CNTN4: variants seen among roughly 807,000 people sequenced by gnomAD.
The protein encoded by CNTN4 is contactin 4.
CNTN4 carries 77 observed loss-of-function variants against 122.5 expected under a neutral mutation model. The observed-to-expected ratio is 0.63, with a 90% CI of 0.52 to 0.76. The LOEUF (loss-of-function observed/expected upper bound fraction) is 0.76. CNTN4 is among the 30% of genes least tolerant of loss of function. The pLI, the probability that CNTN4 is intolerant of heterozygous loss-of-function variation, is 0.00. For missense variants in CNTN4, 1,256 were observed against 1,259.1 expected (o/e 1.00, Z 0.04); for synonymous variants, 512 against 447.0 (o/e 1.15, Z -1.83).
intron 12 of CNTN4, among the ~76,000 whole-genome samples, chr3:2,917,902 G>C (rs922440715): frequency 5.5e-5 from 6 of 108,950 alleles, no homozygotes; most frequent in Non-Finnish European, 1.2e-4. Flanking sequence ...TCAGTCATGT[G>C]AGGCATTTTT....
chr3:2,769,464 C>CAAA (rs71058643), intron 6 of CNTN4, among the ~76,000 whole-genome samples: 23 of 136,996 alleles, frequency 1.7e-4, no homozygotes, highest in East Asian at 1.1e-3. Flanking sequence ...GACTCTGTCT[C>CAAA]AAAAAAAAAA....
At chr3:2,392,698 A>G (rs1049490128) in intron 3 of CNTN4, among the ~76,000 whole-genome samples, 1 of 152,204 alleles carries the variant, frequency 6.6e-6, no homozygotes, top group Non-Finnish European at 1.5e-5. Flanking sequence ...ATTATTAACT[A>G]TCGTCAGCAT....
intron 2 of CNTN4, chr3:2,144,109 G>A (rs1381657420): frequency 6.6e-6 from 1 of 152,228 alleles, no homozygotes; most frequent in East Asian, 1.9e-4. Flanking sequence ...AATAGAGGGT[G>A]TAGGAGGTAA....
chr3:2,623,063 CATATTTACTCTCACCTTA>C (rs1160330842), intron 4 of CNTN4, among the ~76,000 whole-genome samples: 8 of 152,178 alleles, frequency 5.3e-5, no homozygotes, highest in African/African-American at 1.9e-4. Flanking sequence ...GTTGTGGGGG[CATATTTACTCTCACCTTA>C]ATAAATGCTG....
intron 3 of CNTN4, among the ~76,000 whole-genome samples, chr3:2,526,345 T>G (rs2077397342): frequency 6.6e-6 from 1 of 152,198 alleles, no homozygotes; most frequent in African/African-American, 2.4e-5. Flanking sequence ...ACCTACATTT[T>G]ATGGCATATT....
chr3:2,587,590 A>G (rs545413554), intron 4 of CNTN4, among the ~76,000 whole-genome samples: 1 of 152,324 alleles, frequency 6.6e-6, no homozygotes, highest in African/African-American at 2.4e-5. Flanking sequence ...CTAACTAGAT[A>G]TAACCAGACT....
At chr3:2,290,558 A>C (rs1262700101) in intron 2 of CNTN4, among the ~76,000 whole-genome samples, 3 of 152,222 alleles carry the variant, frequency 2.0e-5, no homozygotes, top group Admixed American at 1.3e-4. Context: ...TAAGTGAAAA[A>C]ATGAGGGGTC....
chr3:2,719,181 C>T (rs930396414), intron 4 of CNTN4, among the ~76,000 whole-genome samples: 16 of 151,908 alleles, frequency 1.1e-4, no homozygotes, highest in Admixed American at 5.9e-4. Context: ...AAACACGGTA[C>T]GTACTCAGAA....
chr3:3,029,418 T>G (rs539776544), intron 15 of CNTN4, among the ~76,000 whole-genome samples: 25 of 152,232 alleles, frequency 1.6e-4, no homozygotes, highest in African/African-American at 6.0e-4. Context: ...CCAAGAGAGA[T>G]TAAGAGATTT....
rs578136522 is a variant in CNTN4, at chr3:2,894,294, C to G, written c.941-6391C>G. 3.9e-4 allele frequency among the ~76,000 whole-genome samples: 59 copies of G among 152,208 alleles called. No homozygotes were observed. In the East Asian group the frequency reaches 4.6e-3, roughly 12 times the overall value. Reference sequence around the variant, plus strand: ...GACTCTCTTAAGGAAACCTGGGGACCTACAATGGTTCTTAGATTGCACTTT... The same window carrying G: ...GACTCTCTTAAGGAAACCTGGGGACGTACAATGGTTCTTAGATTGCACTTT... On this transcript the variant is annotated intron_variant, in intron 10 of 24. Coordinates refer to ENST00000418658, the MANE Select transcript of CNTN4 (RefSeq NM_175607.3).
chr3:2,601,827 G>C (rs541771217), intron 4 of CNTN4, among the ~76,000 whole-genome samples: 1 of 152,012 alleles, frequency 6.6e-6, no homozygotes, highest in Admixed American at 6.6e-5. Flanking sequence ...GATGAACATT[G>C]ATGCAAAAAT....
intron 13 of CNTN4, among the ~76,000 whole-genome samples, chr3:2,932,542 C>T (rs2094530584): frequency 6.6e-6 from 1 of 152,132 alleles, no homozygotes; most frequent in Non-Finnish European, 1.5e-5. Flanking sequence ...CTACAGGTCA[C>T]CTCCATTCCT....
rs1307338487 is a variant in CNTN4, at chr3:2,110,314, T to C, written c.-145+9675T>C. ...AGATAGGCTGTGAACATTAATGGTA[T>C]GCATTGAAGACTTTAGGACAGTGTG... is the stretch of plus-strand genomic sequence containing the variant. On this transcript the variant is annotated intron_variant, in intron 2 of 24. Coordinates refer to ENST00000418658, the MANE Select transcript of CNTN4 (RefSeq NM_175607.3). 2.6e-5 allele frequency: 4 copies of C among 152,268 alleles called. No homozygotes were observed. The East Asian group carries it at 7.7e-4, about 29-fold the overall frequency. 9.4% of individuals were successfully genotyped at this position (152,268 alleles called of 1,614,324 possible).
At chr3:2,666,784 T>C (rs1268914941) in intron 4 of CNTN4, among the ~76,000 whole-genome samples, 2 of 124,606 alleles carry the variant, frequency 1.6e-5, no homozygotes, top group Non-Finnish European at 3.2e-5. Flanking sequence ...TGATGTTCCC[T>C]TTCCTGTGTC....
intron 3 of CNTN4, among the ~76,000 whole-genome samples, chr3:2,543,956 T>A (rs2078136228): frequency 1.3e-5 from 2 of 152,140 alleles, no homozygotes; most frequent in Non-Finnish European, 2.9e-5. Flanking sequence ...GCCTCTGTGG[T>A]AGACATTGAA....
chr3:2,627,725 C>G lies in CNTN4; in HGVS notation c.55+56167C>G, dbSNP rs562211260. Among the ~76,000 whole-genome samples the G allele has an allele frequency of 4.6e-5, 7 of 152,150 alleles. No individual in the cohort carries two copies. In the East Asian group the frequency reaches 9.7e-4, roughly 21 times the overall value. Reference sequence around the variant, plus strand: ...AGCCAGGATGGTCTCGATCTCCTGACCTTGTGATCTGCCCGCCTCGGCCTC... The same window carrying G: ...AGCCAGGATGGTCTCGATCTCCTGAGCTTGTGATCTGCCCGCCTCGGCCTC... On this transcript the variant is annotated intron_variant, in intron 4 of 24. Transcript: ENST00000418658.
intron 11 of CNTN4, among the ~76,000 whole-genome samples, chr3:2,901,719 G>C (rs1419701435): frequency 2.6e-5 from 4 of 152,164 alleles, no homozygotes; most frequent in Non-Finnish European, 4.4e-5. Context: ...CTTTGTTCAG[G>C]TGCTTTAGTC....
At chr3:2,400,428 C>CATACATATATATATATATATAT (rs1156582228) in intron 3 of CNTN4, among the ~76,000 whole-genome samples, 3 of 95,822 alleles carry the variant, frequency 3.1e-5, no homozygotes, top group Non-Finnish European at 6.6e-5. Flanking sequence ...TATATATATA[C>CATACATATATATATATATATAT]ATATATATAT....
At chr3:2,187,734 C>T (rs1414904993) in intron 2 of CNTN4, among the ~76,000 whole-genome samples, 1 of 152,102 alleles carries the variant, frequency 6.6e-6, no homozygotes, top group Non-Finnish European at 1.5e-5. Flanking sequence ...CAAAGCAGGA[C>T]CACCTTATGC....
Sources: allele counts gnomAD v4.1 joint callset (sites outside exome capture counted in the v4.1 genomes callset), GRCh38; gene constraint gnomAD v4.1.1; transcripts MANE v1.5; gene names NCBI Gene and HGNC (gene_info 2026-07-23, HGNC 2026-07-21).